The following FGD6 variants were observed in gnomAD, a reference collection of about 807,000 sequenced individuals.
FGD6 encodes the protein FYVE, RhoGEF and PH domain containing 6.
FGD6 carries 90 observed loss-of-function variants against 149.4 expected under a neutral mutation model. The ratio of observed to expected loss-of-function variants is 0.60; its 90% confidence interval spans 0.51 to 0.72. The LOEUF (loss-of-function observed/expected upper bound fraction) is 0.72. Ranked by LOEUF, FGD6 falls within the 30% of genes least tolerant of loss-of-function variation. FGD6 has a pLI of 0.00. For synonymous variants in FGD6, 527 were observed against 584.0 expected (o/e 0.90, Z 1.41); for missense variants, 1,437 against 1,684.8 (o/e 0.85, Z 2.57).
chr12:95,126,424 A>T (rs191139999), intron 8 of FGD6: 25 of 1,192,086 alleles, frequency 2.1e-5, no homozygotes, highest in Admixed American at 1.5e-4. Flanking sequence ...AAGGTTCTTT[A>T]AAAAAAACAA....
chr12:95,125,440 C>A (rs999803514), intron 8 of FGD6, among the ~76,000 whole-genome samples: 8 of 151,948 alleles, frequency 5.3e-5, no homozygotes, highest in African/African-American at 1.9e-4. Flanking sequence ...CAAGATGAGC[C>A]TGGGCAACAT....
At chr12:95,150,290 G>A (rs905376326) in intron 5 of FGD6, among the ~76,000 whole-genome samples, 3 of 151,952 alleles carry the variant, frequency 2.0e-5, no homozygotes. Context: ...GCCTCCCAAG[G>A]TGCTGGGATT....
chr12:95,198,321 T>C (rs1295750388), intron 2 of FGD6, among the ~76,000 whole-genome samples: 1 of 152,230 alleles, frequency 6.6e-6, no homozygotes, highest in Non-Finnish European at 1.5e-5. Flanking sequence ...TCTCCTCATC[T>C]GTTAAAGAAA....
At chr12:95,196,936 G>T (rs565082184) in intron 2 of FGD6, among the ~76,000 whole-genome samples, 23 of 152,190 alleles carry the variant, frequency 1.5e-4, no homozygotes, top group African/African-American at 5.3e-4. Flanking sequence ...ACCAGAGCCA[G>T]CCAGATGACA....
intron 8 of FGD6, among the ~76,000 whole-genome samples, chr12:95,114,390 G>A (rs1878936416): frequency 6.7e-6 from 1 of 149,998 alleles, no homozygotes; most frequent in African/African-American, 2.5e-5. Flanking sequence ...TGGATCACTT[G>A]AAGTCAGGAG....
chr12:95,112,515 G>T (rs1320924107), intron 9 of FGD6, among the ~76,000 whole-genome samples: 2 of 150,030 alleles, frequency 1.3e-5, no homozygotes, highest in Admixed American at 6.7e-5. Context: ...CAGGATAATT[G>T]CTTGAACCCA....
chr12:95,154,052 G>A (rs1041336728), intron 3 of FGD6, among the ~76,000 whole-genome samples: 7 of 151,818 alleles, frequency 4.6e-5, no homozygotes, highest in African/African-American at 7.3e-5. Context: ...CTCTGCCTCC[G>A]GGGTTCGAGA....
chr12:95,127,780 A>G (rs942762325), intron 8 of FGD6, among the ~76,000 whole-genome samples: 6 of 152,220 alleles, frequency 3.9e-5, no homozygotes, highest in African/African-American at 1.4e-4. Flanking sequence ...CCTTTTATAT[A>G]ACATAAATAT....
intron 8 of FGD6, among the ~76,000 whole-genome samples, chr12:95,124,987 G>T (rs1879293523): frequency 6.6e-6 from 1 of 151,954 alleles, no homozygotes; most frequent in Non-Finnish European, 1.5e-5. Flanking sequence ...ACTATGTCAT[G>T]ATTAAAAAAT....
intron 2 of FGD6, among the ~76,000 whole-genome samples, chr12:95,176,919 C>T (rs1379105561): frequency 1.3e-5 from 2 of 152,132 alleles, no homozygotes; most frequent in Non-Finnish European, 2.9e-5. Context: ...ACCTCGCCTC[C>T]CTAGTTCAAG....
chr12:95,150,617 C>G (rs1384454621), intron 5 of FGD6, among the ~76,000 whole-genome samples: 1 of 151,802 alleles, frequency 6.6e-6, no homozygotes, highest in Admixed American at 6.6e-5. Flanking sequence ...AAAACATTGT[C>G]CTTTTTTTTT....
intron 2 of FGD6, chr12:95,189,653 G>GAAAAAAAA (rs10582401): frequency 8.1e-6 from 1 of 124,098 alleles, no homozygotes. Flanking sequence ...TGTTTCATAG[G>GAAAAAAAA]AAAAAAAAAA....
At chr12:95,108,893 G>A (rs1179307897) in intron 9 of FGD6, among the ~76,000 whole-genome samples, 2 of 152,180 alleles carry the variant, frequency 1.3e-5, no homozygotes, top group African/African-American at 2.4e-5. Context: ...TCCTATTCAA[G>A]TTTACAAAGA....
At chr12:95,165,605 T>C (rs1297280339) in intron 3 of FGD6, among the ~76,000 whole-genome samples, 1 of 151,988 alleles carries the variant, frequency 6.6e-6, no homozygotes, top group African/African-American at 2.4e-5. Flanking sequence ...CCCAAAGTGC[T>C]AAGATTACAG....
At chr12:95,104,019 T>C (rs763810112) in intron 14 of FGD6, among the ~76,000 whole-genome samples, 2 of 152,220 alleles carry the variant, frequency 1.3e-5, no homozygotes, top group Non-Finnish European at 2.9e-5. Context: ...TAATAACCTA[T>C]AAAGCACTAG....
At chr12:95,136,552 G>T (rs1879672785) in intron 7 of FGD6, among the ~76,000 whole-genome samples, 1 of 152,150 alleles carries the variant, frequency 6.6e-6, no homozygotes, top group Non-Finnish European at 1.5e-5. Flanking sequence ...CACCCTCACA[G>T]CTCTGAGTTA....
rs371185019 is a variant in FGD6 at position 95,081,455 on chromosome 12, G to C, written c.*65C>G. The C allele has an allele frequency of 9.6e-5, 132 of 1,378,978 alleles. No homozygotes were observed. In the African/African-American group the frequency reaches 1.8e-3, roughly 19 times the overall value. The allele number at this position is 1,378,978 out of a possible 1,614,324, so 85.4% of individuals were successfully genotyped here. On this transcript the variant is annotated 3_prime_UTR_variant, in exon 21 of 21. Transcript: ENST00000343958. ...TTCATTTTTATACAATTTTTGAATT[G>C]CATTTACTCCATTCTGATGAAATTC...
At chr12:95,091,017 G>A (rs760827424) in intron 17 of FGD6, among the ~76,000 whole-genome samples, 12 of 152,112 alleles carry the variant, frequency 7.9e-5, no homozygotes, top group Non-Finnish European at 1.3e-4. Flanking sequence ...TACGAGAATC[G>A]CTTGAACCCG....
At chr12:95,146,643 T>C (rs750613687) in intron 5 of FGD6, among the ~76,000 whole-genome samples, 5 of 152,142 alleles carry the variant, frequency 3.3e-5, no homozygotes, top group Non-Finnish European at 5.9e-5. Context: ...GCATGCAAAA[T>C]TGAACCACCT....
Sources: gnomAD v4.1 joint callset for allele counts (sites outside exome capture counted in the v4.1 genomes callset) on GRCh38, gnomAD v4.1.1 for gene constraint, MANE v1.5 for transcripts, NCBI Gene and HGNC (gene_info 2026-07-23, HGNC 2026-07-21) for gene names.